Variants in UFM1 observed in about 807,000 individuals in gnomAD.
UFM1 encodes the protein ubiquitin fold modifier 1.
In UFM1, 9 loss-of-function variants were observed where a neutral mutation model predicts 15.4. That is an observed-to-expected ratio of 0.59 (90% CI 0.35 to 1.02). The LOEUF (loss-of-function observed/expected upper bound fraction) is 1.02. Among genes scored for constraint, UFM1 ranks in the 50% least tolerant of loss-of-function variants. UFM1 has a pLI of 0.02. For missense variants in UFM1, 98 were observed against 104.7 expected (o/e 0.94, Z 0.28); for synonymous variants, 27 against 36.3 (o/e 0.74, Z 0.92).
rs375915793 is a variant in UFM1 at position 38,349,996 on chromosome 13, C to T, written c.3-3C>T. 3.1e-6 allele frequency: 5 copies of T among 1,614,100 alleles called. No homozygotes were observed. Among genetic ancestry groups the T allele is most frequent in the Non-Finnish European group, 3.4e-6 (4 of 1,179,904 alleles). On this transcript the variant is annotated splice_region_variant and splice_polypyrimidine_tract_variant and intron_variant, in intron 1 of 5. Transcript: ENST00000239878. ...CCTGACTCTCTCCCGCTCTTTTCCT[C>T]AGGTCGAAGGTTTCCTTTAAGATCA...
intron 3 of UFM1, among the ~76,000 whole-genome samples, chr13:38,355,253 C>T (rs1005551588): frequency 6.6e-6 from 1 of 152,004 alleles, no homozygotes; most frequent in Non-Finnish European, 1.5e-5. Flanking sequence ...CTTGTATTGT[C>T]AGGAATCACT....
rs377630398 is a variant in UFM1, at chr13:38,349,877, C to T, written c.-43C>T. ...GCACACTAGAGGAAGTCGTGCTACC[C>T]CCGCGGAGTTGTCGTGTGTTCTGGA... On this transcript the variant is annotated 5_prime_UTR_variant, in exon 1 of 6. Transcript: ENST00000239878. 27 of 1,614,112 alleles carry T rather than the reference C, an allele frequency of 1.7e-5. No homozygotes were observed. Among genetic ancestry groups the T allele is most frequent in the Admixed American group, 1.2e-4 (7 of 60,018 alleles).
chr13:38,355,223 T>A (rs559005470), intron 3 of UFM1, among the ~76,000 whole-genome samples: 1 of 152,186 alleles, frequency 6.6e-6, no homozygotes, highest in African/African-American at 2.4e-5. Context: ...AGTCAGCCAA[T>A]CCATCAGTGC....
Position 38,360,762 on chromosome 13 carries a change from G to A in UFM1, c.242G>A (p.Arg81His), listed in dbSNP as rs768132826. The change falls in exon 6 of 6, where the codon CGT becomes CAT. Residue 81 changes from arginine (R) to histidine (H), a missense_variant. Transcript: ENST00000239878. ...GSELRIIPRD[R>H]VGSC The stretch of plus-strand genomic sequence containing the variant: ...GAACTGCGGATTATTCCTAGAGATC[G>A]TGTTGGAAGTTGTTAATATCTGCTA... The A allele has an allele frequency of 1.5e-5, 24 of 1,607,658 alleles. No homozygotes were observed. Among genetic ancestry groups the A allele is most frequent in the Middle Eastern group, 2.3e-4 (1 of 4,444 alleles).
At chr13:38,357,155 G>A (rs1566032674) in intron 3 of UFM1, among the ~76,000 whole-genome samples, 1 of 151,804 alleles carries the variant, frequency 6.6e-6, no homozygotes, top group Non-Finnish European at 1.5e-5. Flanking sequence ...TTGGACTATT[G>A]CAATCCTTGA....
At chr13:38,357,247 C>T (rs1416414832) in intron 3 of UFM1, among the ~76,000 whole-genome samples, 1 of 151,902 alleles carries the variant, frequency 6.6e-6, no homozygotes, top group African/African-American at 2.4e-5. Flanking sequence ...GTAGGCACCT[C>T]CCATTAAACA....
chr13:38,354,501 C>G, intron 3 of UFM1: 1 of 393,134 alleles, frequency 2.5e-6, no homozygotes, highest in Non-Finnish European at 4.5e-6. Flanking sequence ...CTGATTAATG[C>G]AACCATTGAA....
At chr13:38,359,819 T>G (rs532818018) in intron 5 of UFM1, 34 of 167,962 alleles carry the variant, frequency 2.0e-4, no homozygotes, top group Non-Finnish European at 7.7e-5. Context: ...ATTGGTGTCC[T>G]GACCAGGAGA....
At position 38,362,215 on chromosome 13, in the gene UFM1, A is replaced by G. The variant is rs1433104601; in HGVS notation, c.*1437A>G. 1 of 152,182 alleles carries G rather than the reference A, an allele frequency of 6.6e-6. No individual in the cohort carries two copies. Among genetic ancestry groups the G allele is most frequent in the Non-Finnish European group, 1.5e-5 (1 of 68,030 alleles). 9.4% of individuals were successfully genotyped at this position (152,182 alleles called of 1,614,324 possible). On this transcript the variant is annotated 3_prime_UTR_variant, in exon 6 of 6. Coordinates refer to ENST00000239878, the MANE Select transcript of UFM1 (RefSeq NM_016617.4). ...AAATACTTGCTGTAAAGTCTTTCTAAGACCAATTATTATCTTAGCATGTTT... is the reference window on the plus strand; with the variant it reads ...AAATACTTGCTGTAAAGTCTTTCTAGGACCAATTATTATCTTAGCATGTTT...
Position 38,358,125 on chromosome 13 carries a change from T to C in UFM1, c.150T>C (p.Ile50=). Reference sequence around the variant, plus strand: ...TTCCTGCTGCAACAAGTGCAATTATTACCAATGGTAAGAATTCACTATAAA... The same window carrying C: ...TTCCTGCTGCAACAAGTGCAATTATCACCAATGGTAAGAATTCACTATAAA... ...FKVPAATSAI[I]TNDGIGINPA... The change falls in exon 4 of 6, where the codon ATT becomes ATC. Residue 50 remains isoleucine, a synonymous_variant. Transcript: ENST00000239878. The C allele has an allele frequency of 6.9e-7, 1 of 1,458,268 alleles. No individual in the cohort carries two copies. The highest frequency in any genetic ancestry group is 9.2e-7 in the Non-Finnish European group (1 of 1,090,756). 90.3% of individuals were successfully genotyped at this position (1,458,268 alleles called of 1,614,324 possible). A position where few individuals can be genotyped will look rare whatever the true frequency, so the allele number is the denominator to read the frequency against.
chr13:38,350,720 T>C (rs1375370671), intron 2 of UFM1, among the ~76,000 whole-genome samples: 1 of 152,180 alleles, frequency 6.6e-6, no homozygotes, highest in Non-Finnish European at 1.5e-5. Flanking sequence ...CTTGAGGTTA[T>C]TGCAGTTGGA....
intron 3 of UFM1, 93 bp downstream of exon 3, chr13:38,354,389 T>A: frequency 9.2e-7 from 1 of 1,084,504 alleles, no homozygotes; most frequent in Non-Finnish European, 1.3e-6. Context: ...GACCCATCAT[T>A]TCCATGTGGC....
intron 2 of UFM1, among the ~76,000 whole-genome samples, chr13:38,350,754 A>G (rs562813830): frequency 6.6e-6 from 1 of 152,316 alleles, no homozygotes; most frequent in East Asian, 1.9e-4. Flanking sequence ...GTAGCAAAGA[A>G]CAGGATTACA....
chr13:38,350,206 C>A (rs1436983077), intron 2 of UFM1, 151 bp downstream of exon 2: 1 of 1,612,332 alleles, frequency 6.2e-7, no homozygotes, highest in Admixed American at 1.7e-5. Flanking sequence ...GGAGCCTTTC[C>A]CACCGGAGCC....
chr13:38,352,072 T>C (rs1878880895), intron 2 of UFM1, among the ~76,000 whole-genome samples: 1 of 151,466 alleles, frequency 6.6e-6, no homozygotes, highest in Non-Finnish European at 1.5e-5. Context: ...AAATCTCACC[T>C]CTATGAAGTT....
At chr13:38,358,069 A>T (rs201311871) in intron 3 of UFM1, 24 bp from the exon 4 acceptor site, 19,113 of 968,486 alleles carry the variant, frequency 0.02, 196 homozygotes, top group South Asian at 0.026. Context: ...ATATATATAT[A>T]TATTTTTTTT....
rs1379713705 is a variant in UFM1, at chr13:38,362,078, CCCATT to C, written c.*1301_*1305del. ...CAAATCTTGAAAGACGAAATCAAAG[CCCATT>C]AATGATTCAGAATCAGTGCTTGACC... On this transcript the variant is annotated 3_prime_UTR_variant, in exon 6 of 6. Transcript: ENST00000239878. The C allele has an allele frequency of 1.3e-5, 2 of 152,102 alleles. No individual in the cohort carries two copies. Among genetic ancestry groups the C allele is most frequent in the Admixed American group, 6.5e-5 (1 of 15,272 alleles). The allele number at this position is 152,102 out of a possible 1,614,324, so 9.4% of individuals were successfully genotyped here. A position where few individuals can be genotyped will look rare whatever the true frequency, so the allele number is the denominator to read the frequency against.
Position 38,360,968 on chromosome 13 carries a change from G to A in UFM1, c.*190G>A, listed in dbSNP as rs1334192889. On this transcript the variant is annotated 3_prime_UTR_variant, in exon 6 of 6. Transcript: ENST00000239878. ...GAAGAGGGAATGCGTATGAATTAAG[G>A]CTACTACTGTCACAGAAGATCATAG... 5 of 446,914 alleles carry A rather than the reference G, an allele frequency of 1.1e-5. No individual in the cohort carries two copies. The highest frequency in any genetic ancestry group is 2.0e-5 in the Non-Finnish European group (5 of 251,484). The allele number at this position is 446,914 out of a possible 1,614,324, so 27.7% of individuals were successfully genotyped here. A position where few individuals can be genotyped will look rare whatever the true frequency, so the allele number is the denominator to read the frequency against.
chr13:38,349,855 C>T lies in UFM1; in HGVS notation c.-65C>T, dbSNP rs113889736. On this transcript the variant is annotated 5_prime_UTR_variant, in exon 1 of 6. Transcript: ENST00000239878. ...GAGTGGAGCGGGGCGGTCCCCAGCA[C>T]ACTAGAGGAAGTCGTGCTACCCCCG... 1 of 1,613,826 alleles carries T rather than the reference C, an allele frequency of 6.2e-7. No individual in the cohort carries two copies. The highest frequency in any genetic ancestry group is 1.3e-5 in the African/African-American group (1 of 75,036).
Sources: gnomAD v4.1 joint callset for allele counts (sites outside exome capture counted in the v4.1 genomes callset) on GRCh38, gnomAD v4.1.1 for gene constraint, MANE v1.5 for transcripts, NCBI Gene and HGNC (gene_info 2026-07-23, HGNC 2026-07-21) for gene names.